Variants in GRM7 observed in about 807,000 individuals in gnomAD.
The protein encoded by GRM7 is metabotropic glutamate receptor 7.
GRM7 carries 35 observed loss-of-function variants against 84.5 expected under a neutral mutation model. That is an observed-to-expected ratio of 0.41 (90% CI 0.32 to 0.55). The LOEUF is 0.55. Ranked by LOEUF, GRM7 falls within the 20% of genes least tolerant of loss-of-function variation. The pLI is 0.19. For synonymous variants in GRM7, 487 were observed against 455.1 expected (o/e 1.07, Z -0.89); for missense variants, 1,003 against 1,194.6 (o/e 0.84, Z 2.36).
rs545241363 is a variant in GRM7, at chr3:7,084,111, G to A, written c.520-62341G>A. On this transcript the variant is annotated intron_variant, in intron 1 of 9. Coordinates refer to ENST00000357716, the MANE Select transcript of GRM7 (RefSeq NM_000844.4). ...GGGATCTGAGCAGAGGAGTAACAAA[G>A]TTTAACTTCGATTTAAAGCAAATCA... Among the ~76,000 whole-genome samples, 5 of 152,244 alleles carry A rather than the reference G, an allele frequency of 3.3e-5. No homozygotes were observed. The East Asian group carries it at 5.8e-4, about 18-fold the overall frequency.
intron 8 of GRM7, chr3:7,607,373 C>G (rs987742605): frequency 1.1e-4 from 16 of 151,946 alleles, no homozygotes; most frequent in African/African-American, 3.4e-4. Flanking sequence ...TCTTTGGAGT[C>G]TTCAATAAGT....
chr3:7,565,494 C>A (rs1294542764), intron 7 of GRM7, among the ~76,000 whole-genome samples: 2 of 152,072 alleles, frequency 1.3e-5, no homozygotes, highest in Admixed American at 1.3e-4. Context: ...ACTTCCTGAA[C>A]AAAACTTAGG....
chr3:7,421,810 G>T (rs1357877243), intron 5 of GRM7, among the ~76,000 whole-genome samples: 2 of 142,110 alleles, frequency 1.4e-5, no homozygotes, highest in African/African-American at 2.6e-5. Flanking sequence ...TCAGTTTTTT[G>T]TTTTCGTTTT....
At chr3:7,232,611 A>G (rs1001337800) in intron 2 of GRM7, among the ~76,000 whole-genome samples, 6 of 152,106 alleles carry the variant, frequency 3.9e-5, no homozygotes, top group African/African-American at 1.4e-4. Context: ...ACAGAAGAGG[A>G]CTCTTGCAGT....
At chr3:7,048,651 T>C (rs544816211) in intron 1 of GRM7, among the ~76,000 whole-genome samples, 1 of 152,118 alleles carries the variant, frequency 6.6e-6, no homozygotes, top group East Asian at 1.9e-4. Flanking sequence ...TTGATATGTA[T>C]ATATGGACAC....
chr3:7,027,279 A>G (rs751011823), intron 1 of GRM7, among the ~76,000 whole-genome samples: 110 of 152,206 alleles, frequency 7.2e-4, no homozygotes, highest in Non-Finnish European at 2.5e-4. Context: ...GAGGCATCCC[A>G]TGCAGGATTG....
intron 1 of GRM7, among the ~76,000 whole-genome samples, chr3:6,959,520 G>A (rs1242792203): frequency 6.6e-6 from 1 of 152,074 alleles, no homozygotes; most frequent in East Asian, 1.9e-4. Flanking sequence ...GTGATGCTCT[G>A]TGAGGCTATG....
At chr3:7,177,883 A>T (rs1353728933) in intron 2 of GRM7, among the ~76,000 whole-genome samples, 1 of 152,198 alleles carries the variant, frequency 6.6e-6, no homozygotes. Flanking sequence ...TTTATAATAA[A>T]TTTTTAAAAT....
At chr3:7,203,592 T>A (rs1190557640) in intron 2 of GRM7, among the ~76,000 whole-genome samples, 6 of 152,198 alleles carry the variant, frequency 3.9e-5, no homozygotes, top group African/African-American at 1.4e-4. Context: ...AGCTTTCTTT[T>A]TTCTTTGCAT....
At chr3:7,414,112 T>C (rs528871653) in intron 4 of GRM7, among the ~76,000 whole-genome samples, 4 of 152,332 alleles carry the variant, frequency 2.6e-5, no homozygotes, top group African/African-American at 9.6e-5. Context: ...ATACTTCTTA[T>C]TTTTGTAATT....
At chr3:7,424,481 T>G (rs1346339421) in intron 5 of GRM7, among the ~76,000 whole-genome samples, 2 of 152,164 alleles carry the variant, frequency 1.3e-5, no homozygotes, top group Non-Finnish European at 2.9e-5. Context: ...GATCCCCATA[T>G]CAGCCTTGTG....
Position 7,738,112 on chromosome 3 carries a change from G to A in GRM7, c.2699-2245G>A, listed in dbSNP as rs538222806. 3.3e-5 allele frequency among the ~76,000 whole-genome samples: 5 copies of A among 152,198 alleles called. No individual in the cohort carries two copies. The East Asian group carries it at 9.7e-4, about 30-fold the overall frequency. On this transcript the variant is annotated intron_variant, in intron 9 of 9. Coordinates refer to ENST00000357716, the MANE Select transcript of GRM7 (RefSeq NM_000844.4). The stretch of plus-strand genomic sequence containing the variant: ...GATCCACCCGTCTCGGCCTCCCAAA[G>A]TGCTGGGATGACAGGCATGAGCAAC...
chr3:7,432,934 A>C (rs1696890615), intron 5 of GRM7, among the ~76,000 whole-genome samples: 1 of 152,186 alleles, frequency 6.6e-6, no homozygotes, highest in Admixed American at 6.5e-5. Context: ...AATAATGAGA[A>C]TGGAAAAGAA....
At chr3:7,276,191 TTATA>T (rs58218001) in intron 2 of GRM7, among the ~76,000 whole-genome samples, 18,873 of 129,678 alleles carry the variant, frequency 0.15, 1,753 homozygotes, top group African/African-American at 0.25. Context: ...ATTTTTTAAA[TTATA>T]TATATATATA....
chr3:7,038,540 G>A (rs1696469638), intron 1 of GRM7, among the ~76,000 whole-genome samples: 1 of 152,176 alleles, frequency 6.6e-6, no homozygotes, highest in Admixed American at 6.5e-5. Flanking sequence ...GGAAGAAAGA[G>A]CTAGGAAAAT....
chr3:7,321,023 A>G (rs76811797), intron 4 of GRM7, among the ~76,000 whole-genome samples: 1 of 151,866 alleles, frequency 6.6e-6, no homozygotes, highest in Non-Finnish European at 1.5e-5. Flanking sequence ...TTGACAAAGT[A>G]TCCTAGTGCT....
At chr3:7,532,630 C>T (rs111508976) in intron 7 of GRM7, among the ~76,000 whole-genome samples, 13,292 of 151,658 alleles carry the variant, frequency 0.088, 733 homozygotes, top group South Asian at 0.17. Flanking sequence ...TTCAGTTCTG[C>T]TCTGATCTTA....
intron 5 of GRM7, among the ~76,000 whole-genome samples, chr3:7,419,517 A>G (rs1290174615): frequency 6.6e-6 from 1 of 152,172 alleles, no homozygotes; most frequent in Admixed American, 6.6e-5. Context: ...GAGAAGCTGT[A>G]TCCTTACATG....
At chr3:7,608,226 A>C (rs145295441) in intron 8 of GRM7, 14 of 153,560 alleles carry the variant, frequency 9.1e-5, no homozygotes, top group Non-Finnish European at 1.6e-4. Context: ...AAAATGATTT[A>C]TATTCCTCCA....
Sources: allele counts gnomAD v4.1 joint callset (sites outside exome capture counted in the v4.1 genomes callset), GRCh38; gene constraint gnomAD v4.1.1; transcripts MANE v1.5; gene names NCBI Gene and HGNC (gene_info 2026-07-23, HGNC 2026-07-21).